The following PRKDC variants were observed in gnomAD, a reference collection of about 807,000 sequenced individuals.
PRKDC encodes protein kinase, DNA-activated, catalytic subunit.
In PRKDC, 82 loss-of-function variants were observed where a neutral mutation model predicts 486.9. The observed-to-expected ratio is 0.17, with a 90% CI of 0.14 to 0.20. The LOEUF (loss-of-function observed/expected upper bound fraction) is 0.20. Ranked by LOEUF, PRKDC falls within the 10% of genes least tolerant of loss-of-function variation. The pLI is 1.00. For missense variants in PRKDC, 4,504 were observed against 5,038.2 expected (o/e 0.89, Z 3.21); for synonymous variants, 1,895 against 1,837.0 (o/e 1.03, Z -0.81).
intron 30 of PRKDC, among the ~76,000 whole-genome samples, chr8:47,895,296 A>G (rs1188712599): frequency 3.3e-5 from 5 of 152,228 alleles, no homozygotes; most frequent in East Asian, 1.9e-4. Flanking sequence ...GCCACAGAAG[A>G]GATAAATCAA....
rs2086716949 is a variant in PRKDC at position 47,782,624 on chromosome 8, G to C, written c.11176-26C>G. 5.8e-6 allele frequency: 9 copies of C among 1,548,810 alleles called. No homozygotes were observed. Among genetic ancestry groups the C allele is most frequent in the Non-Finnish European group, 6.1e-6 (7 of 1,146,372 alleles). On this transcript the variant is annotated intron_variant, in intron 78 of 85. Transcript: ENST00000314191. The surrounding 1 kb of genome is among the most constrained non-coding windows in gnomAD (Gnocchi z 4.9). Reference sequence around the variant, plus strand: ...CTTCAAAAATCAGAATGTCATCTCAGGGCACAGGCTAGCCACGTGTCAAAC... The same window carrying C: ...CTTCAAAAATCAGAATGTCATCTCACGGCACAGGCTAGCCACGTGTCAAAC...
At chr8:47,823,833 A>G (rs1328201454) in intron 64 of PRKDC, 25 bp downstream of exon 64, 1 of 1,610,622 alleles carries the variant, frequency 6.2e-7, no homozygotes, top group Non-Finnish European at 8.5e-7. Flanking sequence ...AGTAAATGTC[A>G]TATTTTGCCA....
At chr8:47,894,612 G>A (rs1185107880) in intron 30 of PRKDC, among the ~76,000 whole-genome samples, 1 of 152,092 alleles carries the variant, frequency 6.6e-6, no homozygotes, top group Non-Finnish European at 1.5e-5. Flanking sequence ...CCTGGACCAC[G>A]CTGAGTCTCA....
intron 64 of PRKDC, among the ~76,000 whole-genome samples, chr8:47,823,177 A>T (rs1009541560): frequency 2.6e-5 from 4 of 151,856 alleles, no homozygotes; most frequent in Non-Finnish European, 5.9e-5. Flanking sequence ...CTACAAAAAA[A>T]TTTCAAAAAT....
At chr8:47,939,451 T>C (rs2090404823) in intron 11 of PRKDC, 100 bp downstream of exon 11, 3 of 1,341,032 alleles carry the variant, frequency 2.2e-6, no homozygotes, top group South Asian at 2.7e-5. Flanking sequence ...GTCTACTGTA[T>C]TGTTACAAGT....
Position 47,893,143 on chromosome 8 carries a change from G to T in PRKDC, c.3843C>A (p.Val1281=). ...IGERTVGALQ[V]LGTEAQSSLL... is the part of the protein sequence containing the mutation. Reference sequence around the variant, plus strand: ...AATAAGGCAAGGGTGACCTACCTAGGACCTGGAGCGCTCCTACAGTTCTCT... The same window carrying T: ...AATAAGGCAAGGGTGACCTACCTAGTACCTGGAGCGCTCCTACAGTTCTCT... The change falls in exon 31 of 86, where the codon GTC becomes GTA. Residue 1281 remains valine (V), a synonymous_variant. Transcript: ENST00000314191. 1 of 1,600,182 alleles carries T rather than the reference G, an allele frequency of 6.2e-7. No individual in the cohort carries two copies. The highest frequency in any genetic ancestry group is 1.1e-5 in the South Asian group (1 of 90,160).
chr8:47,936,300 TTGAAGAAA>T, intron 12 of PRKDC, 45 bp downstream of exon 12: 3 of 1,531,750 alleles, frequency 2.0e-6, no homozygotes, highest in Non-Finnish European at 2.6e-6. Context: ...ATCAAATTAT[TTGAAGAAA>T]TGAAGATTAA....
chr8:47,951,314 T>TCC (rs2090621257), intron 7 of PRKDC, among the ~76,000 whole-genome samples: 1 of 151,680 alleles, frequency 6.6e-6, no homozygotes, highest in Non-Finnish European at 1.5e-5. Flanking sequence ...AGAGCCATGC[T>TCC]AGCATCACTG....
chr8:47,924,910 T>C (rs1328521770), intron 21 of PRKDC, among the ~76,000 whole-genome samples: 2 of 152,226 alleles, frequency 1.3e-5, no homozygotes, highest in South Asian at 2.1e-4. Flanking sequence ...CTAGTTTCCC[T>C]TATTCTCAAT....
intron 68 of PRKDC, among the ~76,000 whole-genome samples, chr8:47,813,921 T>C (rs1259542263): frequency 6.6e-6 from 1 of 152,152 alleles, no homozygotes; most frequent in African/African-American, 2.4e-5. Context: ...ACTCATCTTA[T>C]GAGGCCATGA....
chr8:47,800,965 T>G lies in PRKDC; in HGVS notation c.9944A>C (p.Tyr3315Ser). The G allele has an allele frequency of 6.2e-7, 1 of 1,613,946 alleles. No homozygotes were observed. Among genetic ancestry groups the G allele is most frequent in the Non-Finnish European group, 8.5e-7 (1 of 1,179,866 alleles). Residue 3315 changes from tyrosine to serine, a missense_variant, in exon 71 of 86, where the codon TAC (tyrosine) becomes TCC (serine). Transcript: ENST00000314191. ...GAAAGCCAGAATATTTTTGCTTAAG[T>G]AGCTTGACACGTTGTTCTCATCTGT... is the stretch of plus-strand genomic sequence containing the variant. ...SLLDENNVSS[Y>S]LSKNILAFRD...
chr8:47,898,381 T>C, intron 29 of PRKDC, 89 bp downstream of exon 29: 1 of 1,070,422 alleles, frequency 9.3e-7, no homozygotes, highest in Admixed American at 2.2e-5. Flanking sequence ...TCCTTATACT[T>C]CCACAGATCC....
chr8:47,888,434 G>A (rs2089382386), intron 34 of PRKDC, 84 bp downstream of exon 34: 1 of 1,234,010 alleles, frequency 8.1e-7, no homozygotes, highest in Non-Finnish European at 1.1e-6. Context: ...AATACATAAA[G>A]GACTTTTAAG....
At chr8:47,787,738 C>T (rs754018331) in intron 76 of PRKDC, among the ~76,000 whole-genome samples, 4 of 152,254 alleles carry the variant, frequency 2.6e-5, no homozygotes, top group East Asian at 1.9e-4. Flanking sequence ...CCATGAATTC[C>T]GACACAACGT....
intron 35 of PRKDC, among the ~76,000 whole-genome samples, chr8:47,886,961 T>C (rs1209954821): frequency 1.3e-5 from 2 of 152,340 alleles, no homozygotes; most frequent in Non-Finnish European, 2.9e-5. Context: ...GCTTTGAGGA[T>C]AGTCTATTAA....
intron 21 of PRKDC, among the ~76,000 whole-genome samples, chr8:47,921,850 C>A (rs2090076983): frequency 6.6e-6 from 1 of 152,168 alleles, no homozygotes; most frequent in Non-Finnish European, 1.5e-5. Context: ...GTGGCACAAT[C>A]TCCACTCACT....
intron 74 of PRKDC, among the ~76,000 whole-genome samples, chr8:47,793,510 C>A (rs2086919737): frequency 6.6e-6 from 1 of 151,888 alleles, no homozygotes. Flanking sequence ...CATGGTGGCA[C>A]ACGCTTGTAA....
At chr8:47,847,898 A>G (rs576370338) in intron 54 of PRKDC, among the ~76,000 whole-genome samples, 1 of 149,164 alleles carries the variant, frequency 6.7e-6, no homozygotes, top group African/African-American at 2.5e-5. Flanking sequence ...TATATATATA[A>G]AAGTCATCAT....
intron 69 of PRKDC, chr8:47,805,040 G>A (rs2154498403): frequency 6.6e-6 from 1 of 152,232 alleles, no homozygotes; most frequent in African/African-American, 2.4e-5. Flanking sequence ...GGGATTACAA[G>A]CGTGAGCCAT....
Sources: allele counts gnomAD v4.1 joint callset (sites outside exome capture counted in the v4.1 genomes callset), GRCh38; gene constraint gnomAD v4.1.1; non-coding constraint Gnocchi (gnomAD v3.1); transcripts MANE v1.5; gene names NCBI Gene and HGNC (gene_info 2026-07-23, HGNC 2026-07-21).